The following ATP10B variants were observed in gnomAD, a reference collection of about 807,000 sequenced individuals.
ATP10B encodes phospholipid-transporting ATPase VB.
In ATP10B, 122 loss-of-function variants were observed where a neutral mutation model predicts 141.2. The observed-to-expected ratio is 0.86, with a 90% CI of 0.75 to 1.00. ATP10B has a LOEUF of 1.00. Among genes scored for constraint, ATP10B ranks in the 50% least tolerant of loss-of-function variants. ATP10B has a pLI of 0.00. For missense variants in ATP10B, 1,876 were observed against 1,825.3 expected (o/e 1.03, Z -0.51); for synonymous variants, 685 against 692.0 (o/e 0.99, Z 0.16).
chr5:160,709,755 C>T (rs1765252677), intron 3 of ATP10B, among the ~76,000 whole-genome samples: 1 of 3,380 alleles, frequency 3.0e-4, no homozygotes, highest in Non-Finnish European at 6.8e-4. Context: ...GCTATCCCTC[C>T]CCCCCTCCCC....
chr5:160,874,263 C>T, the ATP10B span, among the ~76,000 whole-genome samples: 81 of 62,472 alleles, frequency 1.3e-3, no homozygotes, highest in Admixed American at 5.5e-3. Context: ...AGGCACCCCC[C>T]AGGAGGGTAC....
At chr5:160,772,463 G>T (rs1769978154) in intron 2 of ATP10B, among the ~76,000 whole-genome samples, 1 of 152,178 alleles carries the variant, frequency 6.6e-6, no homozygotes, top group Non-Finnish European at 1.5e-5. Context: ...TCCTCTAACA[G>T]CAGTTCCCAA....
intron 2 of ATP10B, among the ~76,000 whole-genome samples, chr5:160,736,008 T>G (rs1040145986): frequency 1.3e-5 from 2 of 152,122 alleles, no homozygotes; most frequent in Non-Finnish European, 2.9e-5. Flanking sequence ...AGAGGGAAGT[T>G]TATAACTATA....
At chr5:160,746,411 A>C (rs948768650) in intron 2 of ATP10B, among the ~76,000 whole-genome samples, 1 of 142,702 alleles carries the variant, frequency 7.0e-6, no homozygotes, top group Non-Finnish European at 1.5e-5. Context: ...TTTTTTTTTG[A>C]GACTGAGTCT....
chr5:160,569,010 C>T (rs1195376193), intron 25 of ATP10B, among the ~76,000 whole-genome samples: 1 of 152,136 alleles, frequency 6.6e-6, no homozygotes, highest in Non-Finnish European at 1.5e-5. Flanking sequence ...TGGGAAAATG[C>T]TGAAGCTCTG....
chr5:160,854,805 T>G, upstream of ATP10B, among the ~76,000 whole-genome samples: 1 of 152,166 alleles, frequency 6.6e-6, no homozygotes, highest in Admixed American at 6.5e-5. Flanking sequence ...ACTGAGTACT[T>G]TGTGCCAGCA....
chr5:160,788,663 C>T (rs552618100), intron 1 of ATP10B, among the ~76,000 whole-genome samples: 2 of 152,256 alleles, frequency 1.3e-5, no homozygotes, highest in African/African-American at 2.4e-5. Flanking sequence ...GAGAATGATT[C>T]CAGGTGGGGA....
intron 24 of ATP10B, among the ~76,000 whole-genome samples, chr5:160,578,014 G>C (rs1420660508): frequency 2.6e-5 from 4 of 151,698 alleles, no homozygotes; most frequent in Non-Finnish European, 5.9e-5. Context: ...CTATGATTGT[G>C]AATTTGTCCA....
At position 160,708,384 on chromosome 5, in the gene ATP10B, C is replaced by T. The variant is rs142116226; in HGVS notation, c.-205+8525G>A. 3.9e-3 allele frequency among the ~76,000 whole-genome samples: 599 copies of T among 152,290 alleles called. 5 individuals carry two copies. Among genetic ancestry groups the T allele is most frequent in the African/African-American group, 0.014 (564 of 41,552 alleles). Reference sequence around the variant, plus strand: ...TGAGAGAGCCAAGGAGATAACACCCCATCTAGTGAGTGGATAATTAATTTC... The same window carrying T: ...TGAGAGAGCCAAGGAGATAACACCCTATCTAGTGAGTGGATAATTAATTTC... On this transcript the variant is annotated intron_variant, in intron 3 of 25. Coordinates refer to ENST00000327245, the MANE Select transcript of ATP10B (RefSeq NM_025153.3).
chr5:160,765,303 A>G (rs937865485), intron 2 of ATP10B, among the ~76,000 whole-genome samples: 1 of 152,198 alleles, frequency 6.6e-6, no homozygotes, highest in Non-Finnish European at 1.5e-5. Context: ...TGGAGACATC[A>G]CATTAATCAA....
intron 10 of ATP10B, among the ~76,000 whole-genome samples, chr5:160,638,893 C>T (rs1759621569): frequency 6.6e-6 from 1 of 151,954 alleles, no homozygotes; most frequent in Non-Finnish European, 1.5e-5. Context: ...GAGTCTTGGC[C>T]CCTCTTTATC....
At chr5:160,591,661 C>T (rs565542515) in intron 22 of ATP10B, among the ~76,000 whole-genome samples, 24 of 152,092 alleles carry the variant, frequency 1.6e-4, no homozygotes, top group Non-Finnish European at 3.4e-4. Context: ...CAGGCATCAG[C>T]GGCTCCAGAA....
chr5:160,777,580 A>C (rs767750344), intron 2 of ATP10B, among the ~76,000 whole-genome samples: 13 of 152,216 alleles, frequency 8.5e-5, no homozygotes, highest in Non-Finnish European at 1.3e-4. Flanking sequence ...AAGTGAGAAT[A>C]ATCAGAGAAT....
At chr5:160,830,670 TTTAAG>T (rs1021231631) in intron 1 of ATP10B, among the ~76,000 whole-genome samples, 2 of 152,062 alleles carry the variant, frequency 1.3e-5, no homozygotes, top group African/African-American at 4.8e-5. Flanking sequence ...GGATTTTTTT[TTTAAG>T]TTGAGATTTT....
At chr5:160,876,441 C>T in the ATP10B span, among the ~76,000 whole-genome samples, 1 of 149,908 alleles carries the variant, frequency 6.7e-6, no homozygotes, top group African/African-American at 2.4e-5. Flanking sequence ...CAGGAAACAT[C>T]CAAAATTGAC....
rs545720216 is a variant in ATP10B, at chr5:160,806,528, G to A, written c.-575-20725C>T. ...GCTGAGAGTGGGGTTTCTTTTTACC[G>A]CTGTTTGTCTTTCAGAACTTTGGCG... On this transcript the variant is annotated intron_variant, in intron 1 of 25. Transcript: ENST00000327245. Among the ~76,000 whole-genome samples, 11 of 152,302 alleles carry A rather than the reference G, an allele frequency of 7.2e-5. No homozygotes were observed. In the East Asian group the frequency reaches 7.7e-4, roughly 11 times the overall value.
At chr5:160,817,729 C>A (rs541729246) in intron 1 of ATP10B, among the ~76,000 whole-genome samples, 2 of 152,168 alleles carry the variant, frequency 1.3e-5, no homozygotes, top group African/African-American at 2.4e-5. Context: ...GGAGGCATCA[C>A]GCTACCTGAC....
At chr5:160,692,969 A>G (rs1383268895) in intron 3 of ATP10B, 4 of 152,266 alleles carry the variant, frequency 2.6e-5, no homozygotes. Flanking sequence ...AAATATTGAG[A>G]TAAAATGACA....
chr5:160,771,289 C>A (rs1769880544), intron 2 of ATP10B, among the ~76,000 whole-genome samples: 1 of 152,198 alleles, frequency 6.6e-6, no homozygotes, highest in Non-Finnish European at 1.5e-5. Flanking sequence ...GCTTACACCT[C>A]ATGCTGAGGA....
Sources: allele counts gnomAD v4.1 joint callset (sites outside exome capture counted in the v4.1 genomes callset), GRCh38; gene constraint gnomAD v4.1.1; transcripts MANE v1.5; gene names NCBI Gene and HGNC (gene_info 2026-07-23, HGNC 2026-07-21).